The following MYLK variants were observed in gnomAD, a reference collection of about 807,000 sequenced individuals.
The protein encoded by MYLK is myosin light chain kinase, also known as myosin light chain kinase, smooth muscle.
MYLK carries 106 observed loss-of-function variants against 203.4 expected under a neutral mutation model. That is an observed-to-expected ratio of 0.52 (90% CI 0.45 to 0.61). MYLK has a LOEUF of 0.61. Among genes scored for constraint, MYLK ranks in the 20% least tolerant of loss-of-function variants. The pLI, the probability that MYLK is intolerant of heterozygous loss-of-function variation, is 0.00. For synonymous variants in MYLK, 867 were observed against 959.5 expected (o/e 0.90, Z 1.78); for missense variants, 2,072 against 2,442.3 (o/e 0.85, Z 3.20).
chr3:123,784,660 A>T (rs1027032234), intron 4 of MYLK, among the ~76,000 whole-genome samples: 15 of 152,154 alleles, frequency 9.9e-5, no homozygotes, highest in African/African-American at 3.1e-4. Context: ...TTGATTTTTA[A>T]AAACAACAAT....
chr3:123,793,834 TC>T lies in MYLK; in HGVS notation c.7del (p.Asp3MetfsTer2). 6.2e-7 allele frequency: 1 copy of T among 1,614,026 alleles called. No homozygotes were observed. The highest frequency in any genetic ancestry group is 8.5e-7 in the Non-Finnish European group (1 of 1,180,016). MG[D>X]VKLVASSHIS... ...GTGTGACGAGGCAACCAGCTTCACATCCCCCATGGTCTGCAAAAAGGAAGGA... is the reference window on the plus strand; with the variant it reads ...GTGTGACGAGGCAACCAGCTTCACATCCCCATGGTCTGCAAAAAGGAAGGA... On this transcript the variant is annotated frameshift_variant, in exon 4 of 34. Transcript: ENST00000360304. LOFTEE classifies it high-confidence loss of function.
chr3:123,639,287 G>A (rs1312390437), intron 28 of MYLK, among the ~76,000 whole-genome samples: 1 of 152,224 alleles, frequency 6.6e-6, no homozygotes, highest in Non-Finnish European at 1.5e-5. Context: ...ACCTGACTGC[G>A]CTGACCACCA....
intron 2 of MYLK, among the ~76,000 whole-genome samples, chr3:123,872,676 G>C (rs1242693146): frequency 1.3e-5 from 2 of 152,152 alleles, no homozygotes; most frequent in African/African-American, 4.8e-5. Context: ...CATAGGACAA[G>C]GTATGTGAAA....
rs2057283327 is a variant in MYLK, at chr3:123,612,851, C to G, written c.*1254G>C. On this transcript the variant is annotated 3_prime_UTR_variant, in exon 34 of 34. Coordinates refer to ENST00000360304, the MANE Select transcript of MYLK (RefSeq NM_053025.4). ...GTATTTGGAATGTTACACACACACACAGAGGAAATGTATTAGGTCTATCAT... is the reference window on the plus strand; with the variant it reads ...GTATTTGGAATGTTACACACACACAGAGAGGAAATGTATTAGGTCTATCAT... 1.3e-5 allele frequency: 2 copies of G among 152,536 alleles called. No individual in the cohort carries two copies. Among genetic ancestry groups the G allele is most frequent in the Admixed American group, 6.6e-5 (1 of 15,260 alleles). 9.4% of individuals were successfully genotyped at this position (152,536 alleles called of 1,614,324 possible).
intron 2 of MYLK, among the ~76,000 whole-genome samples, chr3:123,846,850 G>T (rs1246032624): frequency 6.6e-6 from 1 of 151,514 alleles, no homozygotes; most frequent in African/African-American, 2.4e-5. Context: ...TTTTGGTTAG[G>T]TGTACTCCTG....
rs1488303630 is a variant in MYLK, at chr3:123,752,443, C to T, written c.261G>A (p.Gly87=). The T allele has an allele frequency of 2.5e-6, 4 of 1,614,170 alleles. No homozygotes were observed. Among genetic ancestry groups the T allele is most frequent in the Admixed American group, 1.7e-5 (1 of 60,032 alleles). The stretch of plus-strand genomic sequence containing the variant: ...CAGCATGAATCACAAGGCTGAAAGT[C>T]CCCCGGATGCCGCAATCCAGCAGGA... ...GRFLLDCGIR[G]TFSLVIHAVH... Residue 87 remains glycine (G), a synonymous_variant, in exon 5 of 34, where the codon GGG becomes GGA. Coordinates refer to ENST00000360304, the MANE Select transcript of MYLK (RefSeq NM_053025.4).
chr3:123,666,231 C>T lies in MYLK; in HGVS notation c.3819G>A (p.Lys1273=). 1.2e-6 allele frequency: 2 copies of T among 1,614,262 alleles called. No individual in the cohort carries two copies. The highest frequency in any genetic ancestry group is 1.7e-6 in the Non-Finnish European group (2 of 1,180,048). Residue 1273 remains lysine, a synonymous_variant, in exon 22 of 34, where the codon AAG becomes AAA. Transcript: ENST00000360304. ...TACCGTCACTGACCTGCTTTCGGAA[C>T]TTCATCCAGGTACAGGTGATGGGCT... The part of the protein sequence containing the change: ...GTQPITCTWM[K]FRKQIQESEH...
chr3:123,837,495 TTA>T (rs552341470), intron 2 of MYLK, among the ~76,000 whole-genome samples: 44 of 147,790 alleles, frequency 3.0e-4, no homozygotes, highest in Middle Eastern at 3.6e-3. Flanking sequence ...TAATTATATA[TTA>T]TATATATTAC....
chr3:123,738,945 G>A lies in MYLK; in HGVS notation c.540C>T (p.Phe180=), dbSNP rs751187628. ...VVVKEGQMGR[F]SCKITGRPQP... Reference sequence around the variant, plus strand: ...GGGGCCGGCCAGTGATCTTGCAGGAGAATCGTCCCATCTGTCCTTCTTTGA... The same window carrying A: ...GGGGCCGGCCAGTGATCTTGCAGGAAAATCGTCCCATCTGTCCTTCTTTGA... The change falls in exon 7 of 34, where the codon TTC becomes TTT. Residue 180 remains phenylalanine, a synonymous_variant. Coordinates refer to ENST00000360304, the MANE Select transcript of MYLK (RefSeq NM_053025.4). The A allele has an allele frequency of 1.2e-6, 2 of 1,612,998 alleles. No individual in the cohort carries two copies. Among genetic ancestry groups the A allele is most frequent in the East Asian group, 2.2e-5 (1 of 44,864 alleles).
At position 123,884,193 on chromosome 3, in the gene MYLK, C is replaced by T. The variant is rs2033714056; in HGVS notation, c.-186+13G>A. ...CCCGCGCCTGGACAAAAGCATGGGG[C>T]GGGCTCACTCACCCGCGCGGCGAAG... On this transcript the variant is annotated intron_variant, in intron 1 of 33. Coordinates refer to ENST00000360304, the MANE Select transcript of MYLK (RefSeq NM_053025.4). 6.6e-6 allele frequency: 1 copy of T among 151,328 alleles called. No individual in the cohort carries two copies. The highest frequency in any genetic ancestry group is 2.4e-5 in the African/African-American group (1 of 41,324). The allele number at this position is 151,328 out of a possible 1,614,324, so 9.4% of individuals were successfully genotyped here.
At chr3:123,675,870 CG>C (rs1324543870) in intron 20 of MYLK, among the ~76,000 whole-genome samples, 1 of 152,168 alleles carries the variant, frequency 6.6e-6, no homozygotes, top group Non-Finnish European at 1.5e-5. Flanking sequence ...CTACTGTATA[CG>C]CTGGTCTCAT....
chr3:123,776,392 G>A (rs1056483414), intron 4 of MYLK, among the ~76,000 whole-genome samples: 22 of 152,230 alleles, frequency 1.4e-4, no homozygotes, highest in Admixed American at 7.2e-4. Context: ...AAAGATGCCC[G>A]AATCCTTGTC....
At position 123,629,362 on chromosome 3, in the gene MYLK, G is replaced by A. The variant is rs191908051; in HGVS notation, c.5114+112C>T. 8.2e-6 allele frequency: 11 copies of A among 1,341,000 alleles called. No individual in the cohort carries two copies. Among genetic ancestry groups the A allele is most frequent in the East Asian group, 4.7e-5 (2 of 42,172 alleles). 83.1% of individuals were successfully genotyped at this position (1,341,000 alleles called of 1,614,324 possible). ...CCCTTCCTCAGGGAATGCTAGGAAC[G>A]ACCCAAGGCGGGGTGGCAAGGAGGG... On this transcript the variant is annotated intron_variant, in intron 30 of 33. Transcript: ENST00000360304. The surrounding 1 kb of genome is among the most constrained non-coding windows in gnomAD (Gnocchi z 4.4).
At chr3:123,777,580 A>C (rs1166411506) in intron 4 of MYLK, among the ~76,000 whole-genome samples, 1 of 152,212 alleles carries the variant, frequency 6.6e-6, no homozygotes, top group Non-Finnish European at 1.5e-5. Context: ...AAGCATGACC[A>C]AGTGTAGAAC....
rs530737058 is a variant in MYLK at position 123,666,299 on chromosome 3, C to A, written c.3751G>T (p.Ala1251Ser). 1.2e-5 allele frequency: 19 copies of A among 1,614,206 alleles called. No individual in the cohort carries two copies. Among genetic ancestry groups the A allele is most frequent in the Non-Finnish European group, 1.4e-5 (17 of 1,180,036 alleles). ...IQFPEDQKVRAGESVELFGKV... is the reference protein window; with the variant it reads ...IQFPEDQKVRSGESVELFGKV... Reference sequence around the variant, plus strand: ...CCAAACAGCTCCACTGACTCTCCTGCGCGTACCTTCTGGTCCTCAGGGAAC... The same window carrying A: ...CCAAACAGCTCCACTGACTCTCCTGAGCGTACCTTCTGGTCCTCAGGGAAC... Residue 1251 changes from alanine to serine, a missense_variant, in exon 22 of 34, where the codon GCA becomes TCA. Around this residue, in one of 3 missense-constraint regions of MYLK, gnomAD observed 865 missense variants for 1,016.0 expected, o/e 0.85. Coordinates refer to ENST00000360304, the MANE Select transcript of MYLK (RefSeq NM_053025.4).
chr3:123,662,417 C>G (rs958618418), intron 23 of MYLK, among the ~76,000 whole-genome samples: 6 of 151,886 alleles, frequency 4.0e-5, no homozygotes, highest in Non-Finnish European at 7.4e-5. Context: ...TGCTTGAGAA[C>G]TAAGTCAGGG....
chr3:123,883,794 C>A (rs1198722655), intron 1 of MYLK, among the ~76,000 whole-genome samples: 1 of 152,170 alleles, frequency 6.6e-6, no homozygotes, highest in African/African-American at 2.4e-5. Context: ...GGGCCGCCTT[C>A]CCCGCCCTAC....
chr3:123,650,881 T>A (rs1254389), intron 24 of MYLK, among the ~76,000 whole-genome samples: 9,123 of 152,270 alleles, frequency 0.06, 390 homozygotes, highest in East Asian at 0.25. Flanking sequence ...CCATAGTTAA[T>A]ACCCAAGACA....
At chr3:123,661,685 G>A (rs1435250263) in intron 23 of MYLK, among the ~76,000 whole-genome samples, 2 of 152,182 alleles carry the variant, frequency 1.3e-5, no homozygotes, top group Non-Finnish European at 2.9e-5. Flanking sequence ...AGAAATGGCT[G>A]AAACAGAACA....
Sources: gnomAD v4.1 joint callset for allele counts (sites outside exome capture counted in the v4.1 genomes callset) on GRCh38, gnomAD v4.1.1 for gene constraint, gnomAD v4.1.1 regional missense constraint, Gnocchi (gnomAD v3.1) non-coding constraint, MANE v1.5 for transcripts, NCBI Gene and HGNC (gene_info 2026-07-23, HGNC 2026-07-21) for gene names.